The following KLF12 variants were observed in gnomAD, a reference collection of about 807,000 sequenced individuals.
The protein encoded by KLF12 is Krueppel-like factor 12.
KLF12 carries 9 observed loss-of-function variants against 37.8 expected under a neutral mutation model. That is an observed-to-expected ratio of 0.24 (90% CI 0.14 to 0.42). The LOEUF (loss-of-function observed/expected upper bound fraction) is 0.42, where lower values mean the gene tolerates loss of function less well. Ranked by LOEUF, KLF12 falls within the 10% of genes least tolerant of loss-of-function variation. KLF12 has a pLI of 1.00. For missense variants in KLF12, 411 were observed against 516.0 expected (o/e 0.80, Z 1.97); for synonymous variants, 208 against 202.1 (o/e 1.03, Z -0.25).
chr13:74,143,195 T>G, the KLF12 span, among the ~76,000 whole-genome samples: 1 of 151,998 alleles, frequency 6.6e-6, no homozygotes, highest in Non-Finnish European at 1.5e-5. Context: ...TCTTTCTCCC[T>G]CTTTCTTACT....
the KLF12 span, among the ~76,000 whole-genome samples, chr13:74,212,559 T>A: frequency 1.3e-5 from 2 of 152,174 alleles, no homozygotes; most frequent in Admixed American, 6.5e-5. Context: ...TAACAGCAAT[T>A]AAGTATTTAT....
At chr13:73,792,439 T>C (rs1278517274) in intron 5 of KLF12, among the ~76,000 whole-genome samples, 1 of 152,172 alleles carries the variant, frequency 6.6e-6, no homozygotes, top group East Asian at 1.9e-4. Context: ...AATTAGAGAG[T>C]GTAAAAGAAT....
At chr13:73,832,822 C>G (rs1350940231) in intron 4 of KLF12, among the ~76,000 whole-genome samples, 2 of 152,164 alleles carry the variant, frequency 1.3e-5, no homozygotes, top group East Asian at 1.9e-4. Flanking sequence ...AAATGCTCTA[C>G]AAACACCAAA....
At chr13:73,828,417 T>C (rs1883963818) in intron 4 of KLF12, among the ~76,000 whole-genome samples, 1 of 152,232 alleles carries the variant, frequency 6.6e-6, no homozygotes, top group Non-Finnish European at 1.5e-5. Context: ...ATACGTCTTT[T>C]AGATATAATG....
the KLF12 span, among the ~76,000 whole-genome samples, chr13:74,273,351 T>C: frequency 5.3e-5 from 8 of 152,246 alleles, no homozygotes; most frequent in South Asian, 1.4e-3. Context: ...CTCCTTGGGC[T>C]CATTTTTTTC....
chr13:73,803,412 C>T (rs1882386031), intron 5 of KLF12, among the ~76,000 whole-genome samples: 1 of 152,064 alleles, frequency 6.6e-6, no homozygotes, highest in African/African-American at 2.4e-5. Flanking sequence ...TTCAAGTCTC[C>T]TAAAATGTAA....
intron 3 of KLF12, among the ~76,000 whole-genome samples, chr13:73,892,535 AAAAC>A (rs1261179733): frequency 6.6e-6 from 1 of 152,212 alleles, no homozygotes; most frequent in African/African-American, 2.4e-5. Context: ...AACCATGGCC[AAAAC>A]AAACAAACAA....
rs1008582260 is a variant in KLF12, at chr13:73,690,396, C to T, written c.*5094G>A. ...CCCTGGAATAAAACAAGAATAAACA[C>T]CTGTATGGTTGTTCACACTCTGTTG... is the stretch of plus-strand genomic sequence containing the variant. On this transcript the variant is annotated 3_prime_UTR_variant, in exon 8 of 8. Transcript: ENST00000377669. The T allele has an allele frequency of 1.3e-5, 2 of 152,160 alleles. No homozygotes were observed. Among genetic ancestry groups the T allele is most frequent in the East Asian group, 1.9e-4 (1 of 5,190 alleles). 9.4% of individuals were successfully genotyped at this position (152,160 alleles called of 1,614,324 possible). A position where few individuals can be genotyped will look rare whatever the true frequency, so the allele number is the denominator to read the frequency against.
At chr13:74,161,402 A>G in the KLF12 span, among the ~76,000 whole-genome samples, 421 of 152,144 alleles carry the variant, frequency 2.8e-3, 3 homozygotes, top group African/African-American at 9.6e-3. Flanking sequence ...GGAAAAAGAG[A>G]GGGAGATTTG....
At chr13:73,840,539 T>G (rs1056915888) in intron 4 of KLF12, among the ~76,000 whole-genome samples, 3 of 152,106 alleles carry the variant, frequency 2.0e-5, no homozygotes, top group African/African-American at 7.2e-5. Flanking sequence ...TAGAGAACAA[T>G]AGGTCAGCCA....
rs1260092152 is a variant in KLF12 at position 73,886,796 on chromosome 13, A to G, written c.124-40423T>C. 3.3e-5 allele frequency among the ~76,000 whole-genome samples: 5 copies of G among 152,158 alleles called. No individual in the cohort carries two copies. In the East Asian group the frequency reaches 7.7e-4, roughly 23 times the overall value. The stretch of plus-strand genomic sequence containing the variant: ...CACCTGAGGTCCGGAGTTCAAGACC[A>G]GCCTGACCAACATGGAGAAACCCAG... On this transcript the variant is annotated intron_variant, in intron 3 of 7. Coordinates refer to ENST00000377669, the MANE Select transcript of KLF12 (RefSeq NM_007249.5).
At chr13:73,839,659 T>C (rs765733141) in intron 4 of KLF12, among the ~76,000 whole-genome samples, 3 of 152,158 alleles carry the variant, frequency 2.0e-5, no homozygotes, top group Non-Finnish European at 4.4e-5. Flanking sequence ...GAGTTGAAAA[T>C]GGACAATCCT....
At chr13:73,779,393 G>A (rs924505226) in intron 5 of KLF12, among the ~76,000 whole-genome samples, 3 of 152,168 alleles carry the variant, frequency 2.0e-5, no homozygotes, top group Admixed American at 2.0e-4. Context: ...CCTATGGAAT[G>A]AAACCTCAAT....
the KLF12 span, among the ~76,000 whole-genome samples, chr13:74,195,276 C>T: frequency 6.6e-6 from 1 of 152,166 alleles, no homozygotes; most frequent in Non-Finnish European, 1.5e-5. Context: ...ATGGTTTATA[C>T]AATCTTTGAG....
intron 1 of KLF12, among the ~76,000 whole-genome samples, chr13:74,027,092 A>G (rs1008567115): frequency 1.3e-5 from 2 of 152,228 alleles, no homozygotes; most frequent in Admixed American, 6.5e-5. Flanking sequence ...AGAATAAAGA[A>G]GCAGAATAGA....
chr13:74,296,451 A>G, the KLF12 span, among the ~76,000 whole-genome samples: 1 of 152,088 alleles, frequency 6.6e-6, no homozygotes, highest in African/African-American at 2.4e-5. Flanking sequence ...TTAGAGAAAA[A>G]TTTGTGGAGC....
the KLF12 span, among the ~76,000 whole-genome samples, chr13:74,241,433 A>G: frequency 4.3e-4 from 65 of 152,326 alleles, no homozygotes; most frequent in African/African-American, 1.4e-3. Flanking sequence ...TGGAGCCTAC[A>G]GAGGCAGGCA....
chr13:73,989,034 A>G (rs1351728116), intron 2 of KLF12, among the ~76,000 whole-genome samples: 2 of 152,172 alleles, frequency 1.3e-5, no homozygotes, highest in Non-Finnish European at 2.9e-5. Context: ...GTACAAAGTC[A>G]TTTTTTTAAA....
chr13:74,060,089 G>C lies in KLF12; in HGVS notation c.-31-65036C>G, dbSNP rs551135697. ...GGTTGCAGTATGTGGCTTGATTTCT[G>C]GGTTCTCTATTTTTCTCTATTGATC... On this transcript the variant is annotated intron_variant, in intron 1 of 7. Coordinates refer to ENST00000377669, the MANE Select transcript of KLF12 (RefSeq NM_007249.5). 7.9e-5 allele frequency among the ~76,000 whole-genome samples: 12 copies of C among 152,132 alleles called. No individual in the cohort carries two copies. The South Asian group carries it at 1.9e-3, about 24-fold the overall frequency.
Sources: allele counts gnomAD v4.1 joint callset (sites outside exome capture counted in the v4.1 genomes callset), GRCh38; gene constraint gnomAD v4.1.1; transcripts MANE v1.5; gene names NCBI Gene and HGNC (gene_info 2026-07-23, HGNC 2026-07-21).